Variants in ECH1 observed in about 807,000 individuals in gnomAD.
ECH1 encodes the protein delta(3,5)-Delta(2,4)-dienoyl-CoA isomerase, mitochondrial.
Under a neutral mutation model 37.0 loss-of-function variants are expected in ECH1, and 30 were observed. The observed-to-expected ratio is 0.81, with a 90% CI of 0.61 to 1.10. ECH1 has a LOEUF of 1.10. Among genes scored for constraint, ECH1 ranks in the 50% least tolerant of loss-of-function variants. The pLI, the probability that ECH1 is intolerant of heterozygous loss-of-function variation, is 0.00. For missense variants in ECH1, 456 were observed against 441.6 expected (o/e 1.03, Z -0.29); for synonymous variants, 178 against 176.0 (o/e 1.01, Z -0.09).
In ECH1 at chr19:38,817,138, T is replaced by TA; in HGVS notation, c.524-10dup. The TA allele has an allele frequency of 6.4e-7, 1 of 1,565,246 alleles. No homozygotes were observed. ...GGTGACAAGGTCCACACCTAGGAGG[T>TA]AGAGGCCAGGGATGCTGAATGACCA... On this transcript the variant is annotated splice_polypyrimidine_tract_variant and intron_variant, in intron 5 of 9. Coordinates refer to ENST00000221418, the MANE Select transcript of ECH1 (RefSeq NM_001398.3).
rs1445542789 is a variant in ECH1, at chr19:38,817,374, A to G, written c.475-10T>C. 1 of 1,599,612 alleles carries G rather than the reference A, an allele frequency of 6.3e-7. No homozygotes were observed. Among genetic ancestry groups the G allele is most frequent in the Non-Finnish European group, 8.5e-7 (1 of 1,173,262 alleles). ...TCACGGGCTTGGGGCACTGAGAGGG[A>G]ACAGGAAGAGTGGGGTCAGGGCTGG... On this transcript the variant is annotated splice_polypyrimidine_tract_variant and intron_variant, in intron 4 of 9. Coordinates refer to ENST00000221418, the MANE Select transcript of ECH1 (RefSeq NM_001398.3).
intron 2 of ECH1, 25 bp downstream of exon 2, chr19:38,831,284 G>A (rs1971817854): frequency 1.2e-6 from 2 of 1,607,512 alleles, no homozygotes; most frequent in Non-Finnish European, 1.7e-6. Context: ...CCCGCAGGCA[G>A]GCCTCCAGGA....
At chr19:38,831,212 T>A (rs547787126) in intron 2 of ECH1, 46 bp from the exon 3 acceptor site, 1 of 1,603,354 alleles carries the variant, frequency 6.2e-7, no homozygotes, top group African/African-American at 1.3e-5. Context: ...GGGAATACCC[T>A]GCCCTCATGT....
chr19:38,831,407 G>C lies in ECH1; in HGVS notation c.162C>G (p.Ser54Arg), dbSNP rs771801876. 3 of 1,614,060 alleles carry C rather than the reference G, an allele frequency of 1.9e-6. No individual in the cohort carries two copies. The highest frequency in any genetic ancestry group is 1.1e-5 in the South Asian group (1 of 91,078). Reference protein sequence around the residue: ...GVALGEAPDHSYESLRVTSAQ... With the variant: ...GVALGEAPDHRYESLRVTSAQ... ...CAGACGTCACACGAAGGGACTCATA[G>C]CTGTGGTCTGGGGCTTCACCGAGGG... Residue 54 changes from serine to arginine, a missense_variant, in exon 2 of 10, where the codon AGC (serine) becomes AGG (arginine). Ser to Arg is a moderately radical substitution (Grantham distance 110). Transcript: ENST00000221418.
chr19:38,822,238 G>A (rs907105743), intron 3 of ECH1, among the ~76,000 whole-genome samples: 1 of 151,432 alleles, frequency 6.6e-6, no homozygotes, highest in African/African-American at 2.4e-5. Context: ...TCAGCACTCT[G>A]TGTCTAGCTC....
intron 3 of ECH1, among the ~76,000 whole-genome samples, chr19:38,826,946 C>T (rs1600025714): frequency 6.6e-6 from 1 of 151,866 alleles, no homozygotes; most frequent in Non-Finnish European, 1.5e-5. Context: ...AGGTCAAAGG[C>T]CCAGCTTTGC....
intron 3 of ECH1, among the ~76,000 whole-genome samples, chr19:38,825,628 T>C (rs1160895493): frequency 1.3e-5 from 2 of 152,076 alleles, no homozygotes; most frequent in Non-Finnish European, 2.9e-5. Flanking sequence ...AAAAGTGAGA[T>C]TGGAGAAAGG....
At chr19:38,829,583 C>T (rs970122928) in intron 3 of ECH1, among the ~76,000 whole-genome samples, 9 of 152,102 alleles carry the variant, frequency 5.9e-5, no homozygotes, top group Admixed American at 3.9e-4. Context: ...TTTTGGAGGC[C>T]GAGGCGGGCA....
intron 3 of ECH1, among the ~76,000 whole-genome samples, chr19:38,822,230 A>G (rs1023766888): frequency 1.3e-5 from 2 of 151,762 alleles, no homozygotes; most frequent in African/African-American, 4.8e-5. Flanking sequence ...ACAACCAATC[A>G]GCACTCTGTG....
At chr19:38,816,665 G>T in intron 6 of ECH1, 142 bp from the exon 7 acceptor site, 5 of 1,044,026 alleles carry the variant, frequency 4.8e-6, no homozygotes, top group Middle Eastern at 2.3e-4. Flanking sequence ...CCATTCCATT[G>T]CCCAGGCAGC....
chr19:38,826,352 C>T (rs1325295147), intron 3 of ECH1, among the ~76,000 whole-genome samples: 1 of 152,170 alleles, frequency 6.6e-6, no homozygotes, highest in African/African-American at 2.4e-5. Flanking sequence ...TTAAAAGATC[C>T]CACTGCTTTT....
At chr19:38,816,399 G>C (rs772952913) in intron 7 of ECH1, 44 bp from the exon 8 acceptor site, 2 of 1,613,884 alleles carry the variant, frequency 1.2e-6, no homozygotes, top group South Asian at 2.2e-5. Flanking sequence ...CCACCCCGGG[G>C]CTGGGAGATG....
At chr19:38,818,842 G>A (rs573144821) in intron 3 of ECH1, among the ~76,000 whole-genome samples, 1 of 152,096 alleles carries the variant, frequency 6.6e-6, no homozygotes, top group South Asian at 2.1e-4. Flanking sequence ...TCCTTGTCAT[G>A]ACTACCCTGC....
intron 3 of ECH1, among the ~76,000 whole-genome samples, chr19:38,828,240 CT>C (rs946659253): frequency 2.6e-5 from 4 of 151,886 alleles, no homozygotes; most frequent in African/African-American, 9.7e-5. Context: ...AAGCCGTTTT[CT>C]TTTTTTTGAG....
In ECH1 at chr19:38,817,731, T is replaced by C. The variant is rs369549990; in HGVS notation, c.350-156A>G. ...AGGACTTGGTGAGGGATTGATTGCATGTTGGGTGGGAAGGAAATAAAAGCT... is the reference window on the plus strand; with the variant it reads ...AGGACTTGGTGAGGGATTGATTGCACGTTGGGTGGGAAGGAAATAAAAGCT... On this transcript the variant is annotated intron_variant, in intron 3 of 9. Transcript: ENST00000221418. 1.4e-4 allele frequency: 134 copies of C among 985,220 alleles called. No homozygotes were observed. In the East Asian group the frequency reaches 3.6e-3, roughly 27 times the overall value. The allele number at this position is 985,220 out of a possible 1,614,324, so 61.0% of individuals were successfully genotyped here.
chr19:38,815,889 C>A lies in ECH1; in HGVS notation c.850G>T (p.Asp284Tyr). Residue 284 changes from aspartate (D) to tyrosine (Y), a missense_variant, in exon 9 of 10, where the codon GAC becomes TAC. Physicochemically the swap from Asp to Tyr is radical, Grantham distance 160. Transcript: ENST00000221418. ...STKVNLLYSR[D>Y]HSVAESLNYV... Reference sequence around the variant, plus strand: ...TTGAGGCTCTCGGCCACCGAATGGTCGCGGGAATACAGCAGGTTGACCTTG... The same window carrying A: ...TTGAGGCTCTCGGCCACCGAATGGTAGCGGGAATACAGCAGGTTGACCTTG... 1 of 1,614,150 alleles carries A rather than the reference C, an allele frequency of 6.2e-7. No individual in the cohort carries two copies. The highest frequency in any genetic ancestry group is 8.5e-7 in the Non-Finnish European group (1 of 1,180,036).
At chr19:38,818,932 T>TGTGA (rs144733422) in intron 3 of ECH1, among the ~76,000 whole-genome samples, 1 of 142,752 alleles carries the variant, frequency 7.0e-6, no homozygotes. Flanking sequence ...TGTGTGTGTG[T>TGTGA]GCACTGTTCC....
chr19:38,825,092 A>G (rs982542597), intron 3 of ECH1, among the ~76,000 whole-genome samples: 1 of 152,206 alleles, frequency 6.6e-6, no homozygotes. Context: ...GTTAGATCAA[A>G]CCCTGGCCTT....
intron 3 of ECH1, among the ~76,000 whole-genome samples, chr19:38,828,424 G>T (rs1295571867): frequency 6.6e-6 from 1 of 150,822 alleles, no homozygotes; most frequent in African/African-American, 2.5e-5. Context: ...TACAGACGGG[G>T]TTTCACCATG....
Sources: allele counts gnomAD v4.1 joint callset (sites outside exome capture counted in the v4.1 genomes callset), GRCh38; gene constraint gnomAD v4.1.1; transcripts MANE v1.5; gene names NCBI Gene and HGNC (gene_info 2026-07-23, HGNC 2026-07-21).